The following RAPGEF6 variants were observed in gnomAD, a reference collection of about 807,000 sequenced individuals.
RAPGEF6 encodes Rap guanine nucleotide exchange factor 6.
Under a neutral mutation model 171.4 loss-of-function variants are expected in RAPGEF6, and 56 were observed. The ratio of observed to expected loss-of-function variants is 0.33; its 90% CI spans 0.26 to 0.41. The LOEUF (loss-of-function observed/expected upper bound fraction) is 0.41. Among genes scored for constraint, RAPGEF6 ranks in the 10% least tolerant of loss-of-function variants. RAPGEF6 has a pLI of 1.00. For missense variants in RAPGEF6, 1,674 were observed against 1,921.4 expected (o/e 0.87, Z 2.41); for synonymous variants, 692 against 650.1 (o/e 1.06, Z -0.98).
At chr5:131,482,041 C>T (rs1755522588) in intron 15 of RAPGEF6, among the ~76,000 whole-genome samples, 1 of 152,132 alleles carries the variant, frequency 6.6e-6, no homozygotes, top group Non-Finnish European at 1.5e-5. Context: ...GATTAAAATA[C>T]TTACAACTTG....
intron 4 of RAPGEF6, among the ~76,000 whole-genome samples, chr5:131,577,004 C>G (rs975919742): frequency 1.3e-5 from 2 of 152,166 alleles, no homozygotes; most frequent in Non-Finnish European, 1.5e-5. Context: ...TGCCCCCACA[C>G]AAGACTGGCA....
At chr5:131,524,979 C>T (rs1758783675) in intron 6 of RAPGEF6, among the ~76,000 whole-genome samples, 1 of 152,134 alleles carries the variant, frequency 6.6e-6, no homozygotes, top group Non-Finnish European at 1.5e-5. Context: ...CAAAACATCA[C>T]ACTGTACCCC....
chr5:131,541,232 C>A (rs1760118878), intron 6 of RAPGEF6, among the ~76,000 whole-genome samples: 3 of 152,130 alleles, frequency 2.0e-5, no homozygotes, highest in Admixed American at 6.5e-5. Flanking sequence ...CTAAAGAGGT[C>A]ATGGATGAAT....
intron 16 of RAPGEF6, among the ~76,000 whole-genome samples, chr5:131,478,273 C>G (rs1409813403): frequency 2.0e-5 from 3 of 152,096 alleles, no homozygotes; most frequent in African/African-American, 7.2e-5. Flanking sequence ...TTAAAAATAG[C>G]TATCATTAAA....
At chr5:131,587,849 C>G (rs1038225640) in intron 4 of RAPGEF6, among the ~76,000 whole-genome samples, 8 of 152,194 alleles carry the variant, frequency 5.3e-5, no homozygotes, top group Non-Finnish European at 1.2e-4. Context: ...GGTCCTGCCC[C>G]CTACCTGGAA....
rs1561535011 is a variant in RAPGEF6, at chr5:131,524,639, AG to A, written c.496-3119del. Among the ~76,000 whole-genome samples the A allele has an allele frequency of 8.8e-3, 1,104 of 124,946 alleles. 8 individuals are homozygous for A. The highest frequency in any genetic ancestry group is 0.028 in the African/African-American group (1,022 of 36,186). 82.0% of individuals were successfully genotyped at this position (124,946 alleles called of 152,430 possible). ...GAGAGAGAGAGAGAGAGAGAGAGAG[AG>A]AGACTTGCTCTGTCACCTACGCTGG... On this transcript the variant is annotated intron_variant, in intron 6 of 27. Coordinates refer to ENST00000509018, the MANE Select transcript of RAPGEF6 (RefSeq NM_016340.6).
chr5:131,436,373 T>C, intron 24 of RAPGEF6: 4 of 1,537,166 alleles, frequency 2.6e-6, no homozygotes, highest in Non-Finnish European at 3.5e-6. Context: ...TCAGATATGA[T>C]ACTGCCAACT....
intron 4 of RAPGEF6, among the ~76,000 whole-genome samples, chr5:131,590,942 T>C (rs1285110035): frequency 6.6e-6 from 1 of 152,178 alleles, no homozygotes; most frequent in Non-Finnish European, 1.5e-5. Context: ...AATTCATTAA[T>C]GTGAGTTTCA....
intron 7 of RAPGEF6, among the ~76,000 whole-genome samples, chr5:131,520,429 T>C (rs1758400724): frequency 6.6e-6 from 1 of 152,232 alleles, no homozygotes; most frequent in Non-Finnish European, 1.5e-5. Context: ...TATTTGGTTA[T>C]ACTGCACTAA....
intron 5 of RAPGEF6, among the ~76,000 whole-genome samples, chr5:131,554,719 G>A (rs563211711): frequency 6.6e-5 from 10 of 152,236 alleles, no homozygotes; most frequent in Non-Finnish European, 1.5e-4. Flanking sequence ...GTTTCACCAT[G>A]TTGGCCAGGC....
At chr5:131,452,117 G>A (rs1402850610) in intron 21 of RAPGEF6, among the ~76,000 whole-genome samples, 6 of 152,116 alleles carry the variant, frequency 3.9e-5, no homozygotes, top group African/African-American at 1.4e-4. Context: ...CTACTCAGGA[G>A]GCTGAGGCAG....
chr5:131,494,152 A>C (rs1289654965), intron 13 of RAPGEF6, among the ~76,000 whole-genome samples: 1 of 152,252 alleles, frequency 6.6e-6, no homozygotes, highest in African/African-American at 2.4e-5. Context: ...ACTAGGAACT[A>C]CTATCTTTAC....
chr5:131,430,502 G>A (rs1222426731), intron 26 of RAPGEF6, among the ~76,000 whole-genome samples: 2 of 152,136 alleles, frequency 1.3e-5, no homozygotes, highest in African/African-American at 4.8e-5. Flanking sequence ...CATACCAATT[G>A]TGGTCCAAAC....
At chr5:131,571,054 C>T (rs568860186) in intron 4 of RAPGEF6, among the ~76,000 whole-genome samples, 2 of 151,244 alleles carry the variant, frequency 1.3e-5, no homozygotes, top group East Asian at 3.9e-4. Context: ...AAGCAATTCT[C>T]GTGCCTCAGC....
chr5:131,627,870 T>C (rs923107200), intron 1 of RAPGEF6, among the ~76,000 whole-genome samples: 3 of 152,242 alleles, frequency 2.0e-5, no homozygotes, highest in African/African-American at 7.2e-5. Flanking sequence ...TTTTTCATTA[T>C]ATTTGCTATG....
chr5:131,448,464 G>A (rs1038775877), intron 21 of RAPGEF6, among the ~76,000 whole-genome samples: 1 of 152,058 alleles, frequency 6.6e-6, no homozygotes. Flanking sequence ...TTCCTTAGTA[G>A]TAGATAAAAT....
chr5:131,531,957 T>A (rs1436254525), intron 6 of RAPGEF6: 12 of 276,982 alleles, frequency 4.3e-5, no homozygotes, highest in South Asian at 1.3e-4. Context: ...ATATTTAAAT[T>A]AAAAAAAAAT....
At chr5:131,524,485 TAATC>T (rs1758722681) in intron 6 of RAPGEF6, among the ~76,000 whole-genome samples, 1 of 149,890 alleles carries the variant, frequency 6.7e-6, no homozygotes, top group African/African-American at 2.5e-5. Flanking sequence ...AAATATTAAA[TAATC>T]AAAGAATGGA....
chr5:131,625,072 G>A (rs1765824550), intron 1 of RAPGEF6, among the ~76,000 whole-genome samples: 1 of 152,046 alleles, frequency 6.6e-6, no homozygotes, highest in Non-Finnish European at 1.5e-5. Context: ...GACCAGCCTG[G>A]CCAACATGGT....
Sources: gnomAD v4.1 joint callset for allele counts (sites outside exome capture counted in the v4.1 genomes callset) on GRCh38, gnomAD v4.1.1 for gene constraint, MANE v1.5 for transcripts, NCBI Gene and HGNC (gene_info 2026-07-23, HGNC 2026-07-21) for gene names.